MKX: variants seen among roughly 807,000 people sequenced by gnomAD.
MKX encodes the protein mohawk homeobox.
MKX carries 13 observed loss-of-function variants against 36.0 expected under a neutral mutation model. The ratio of observed to expected loss-of-function variants is 0.36; its 90% CI spans 0.24 to 0.57. The LOEUF is 0.57. Ranked by LOEUF, MKX falls within the 20% of genes least tolerant of loss-of-function variation. The pLI, the probability that MKX is intolerant of heterozygous loss-of-function variation, is 0.79. For missense variants in MKX, 458 were observed against 456.4 expected (o/e 1.00, Z -0.03); for synonymous variants, 176 against 178.3 (o/e 0.99, Z 0.10).
At chr10:27,722,136 A>C (rs1834392769) in intron 5 of MKX, among the ~76,000 whole-genome samples, 1 of 152,156 alleles carries the variant, frequency 6.6e-6, no homozygotes, top group Non-Finnish European at 1.5e-5. Context: ...CTTGGGAGAG[A>C]TCTCCTAAAA....
At chr10:27,705,348 G>GT (rs1374443795) in intron 5 of MKX, among the ~76,000 whole-genome samples, 42 of 151,924 alleles carry the variant, frequency 2.8e-4, no homozygotes, top group South Asian at 1.5e-3. Context: ...ATATATATCT[G>GT]TTTTTTTTGT....
At chr10:27,677,736 G>A (rs1836180224) in intron 5 of MKX, among the ~76,000 whole-genome samples, 1 of 152,188 alleles carries the variant, frequency 6.6e-6, no homozygotes, top group African/African-American at 2.4e-5. Flanking sequence ...TTGTTGTGAA[G>A]AACACATGAG....
intron 5 of MKX, among the ~76,000 whole-genome samples, chr10:27,699,870 A>G (rs1836621655): frequency 6.6e-6 from 1 of 152,254 alleles, no homozygotes; most frequent in South Asian, 2.1e-4. Context: ...GTAAGAATTC[A>G]GCATTCTCCA....
chr10:27,719,099 A>G (rs1234715018), intron 5 of MKX, among the ~76,000 whole-genome samples: 2 of 152,236 alleles, frequency 1.3e-5, no homozygotes, highest in Non-Finnish European at 2.9e-5. Context: ...ATCTCATTAA[A>G]TTGCAAAATG....
chr10:27,676,651 C>G (rs1397821432), intron 5 of MKX, among the ~76,000 whole-genome samples: 2 of 152,176 alleles, frequency 1.3e-5, no homozygotes, highest in Non-Finnish European at 2.9e-5. Context: ...GCTGGGATTA[C>G]AGGCGTGAGC....
At chr10:27,723,432 T>C (rs1834422265) in intron 5 of MKX, among the ~76,000 whole-genome samples, 1 of 152,084 alleles carries the variant, frequency 6.6e-6, no homozygotes, top group Non-Finnish European at 1.5e-5. Context: ...TATGGCAAGA[T>C]CAGATGCAAC....
chr10:27,693,850 A>T (rs762403513), intron 5 of MKX, among the ~76,000 whole-genome samples: 15 of 152,030 alleles, frequency 9.9e-5, no homozygotes, highest in Non-Finnish European at 1.8e-4. Flanking sequence ...CCCAAATCTC[A>T]TCTTGAATTG....
intron 5 of MKX, among the ~76,000 whole-genome samples, chr10:27,689,271 A>C (rs758021829): frequency 1.3e-5 from 2 of 152,128 alleles, no homozygotes; most frequent in Non-Finnish European, 2.9e-5. Context: ...CAGTTTTTCT[A>C]CTCACTGTTC....
At chr10:27,719,482 T>C (rs1834327669) in intron 5 of MKX, among the ~76,000 whole-genome samples, 1 of 152,066 alleles carries the variant, frequency 6.6e-6, no homozygotes, top group Admixed American at 6.6e-5. Flanking sequence ...CTGCTACAAA[T>C]GCTCTTTAAA....
intron 5 of MKX, among the ~76,000 whole-genome samples, chr10:27,732,902 C>A (rs1385159374): frequency 2.6e-5 from 4 of 151,796 alleles, no homozygotes; most frequent in African/African-American, 7.3e-5. Context: ...TATGCACCAC[C>A]ATGCATGGGT....
At chr10:27,721,850 G>T (rs1211254975) in intron 5 of MKX, among the ~76,000 whole-genome samples, 1 of 152,094 alleles carries the variant, frequency 6.6e-6, no homozygotes, top group African/African-American at 2.4e-5. Context: ...ATAGAGTCCA[G>T]AAATAGGCAT....
Position 27,742,582 on chromosome 10 carries a change from G to C in MKX, c.188+646C>G, listed in dbSNP as rs73604055. Among the ~76,000 whole-genome samples the C allele has an allele frequency of 6.6e-6, 1 of 151,840 alleles. No individual in the cohort carries two copies. Among genetic ancestry groups the C allele is most frequent in the South Asian group, 2.1e-4 (1 of 4,822 alleles). On this transcript the variant is annotated intron_variant, in intron 2 of 6. Coordinates refer to ENST00000419761, the MANE Select transcript of MKX (RefSeq NM_173576.3). The surrounding 1 kb of genome is among the most constrained non-coding windows in gnomAD (Gnocchi z 4.2). ...AGGCAGAGCCTGCCCTCCACTCACC[G>C]GCAGTCTGAGCAGCTGGCCCACCCG...
At chr10:27,677,172 G>A (rs10829306) in intron 5 of MKX, among the ~76,000 whole-genome samples, 22,914 of 152,084 alleles carry the variant, frequency 0.15, 2,853 homozygotes, top group East Asian at 0.68. Context: ...AATAATCAAT[G>A]TTACTGGGGA....
At chr10:27,720,917 T>C (rs1283085448) in intron 5 of MKX, among the ~76,000 whole-genome samples, 1 of 152,140 alleles carries the variant, frequency 6.6e-6, no homozygotes, top group Non-Finnish European at 1.5e-5. Context: ...ATGCAACAGC[T>C]TTCCCGTATA....
chr10:27,676,434 G>A (rs1163271439), intron 5 of MKX, among the ~76,000 whole-genome samples: 1 of 148,074 alleles, frequency 6.8e-6, no homozygotes, highest in Non-Finnish European at 1.5e-5. Context: ...CTGGAGTGCA[G>A]TGCTGTGATC....
Position 27,691,928 on chromosome 10 carries a change from C to T in MKX, c.839-16374G>A, listed in dbSNP as rs535105400. ...TGTAGTGTTCCATGGTGTATATGTA[C>T]CTCACTTTCTTTATCCAATCCACTC... On this transcript the variant is annotated intron_variant, in intron 5 of 6. Coordinates refer to ENST00000419761, the MANE Select transcript of MKX (RefSeq NM_173576.3). 8.5e-5 allele frequency among the ~76,000 whole-genome samples: 13 copies of T among 152,252 alleles called. 1 individual carries two copies. The South Asian group carries it at 2.7e-3, about 32-fold the overall frequency.
Position 27,734,627 on chromosome 10 carries a change from A to G in MKX, c.667T>C (p.Leu223=), listed in dbSNP as rs775009289. Residue 223 remains leucine, a synonymous_variant, in exon 5 of 7, where the codon TTG becomes CTG. Transcript: ENST00000419761. ...VAPPKYKSSL[L]NRYLNDSLRH... is the part of the protein sequence containing the mutation. ...AAAGAGTCATTAAGGTAACGGTTCA[A>G]CAAGCTGCTCTTGTATTTGGGGGGT... 4.3e-6 allele frequency: 7 copies of G among 1,614,050 alleles called. No individual in the cohort carries two copies. Among genetic ancestry groups the G allele is most frequent in the Non-Finnish European group, 5.9e-6 (7 of 1,180,044 alleles).
rs1489377669 is a variant in MKX, at chr10:27,744,288, C to T, written c.-82-791G>A. On this transcript the variant is annotated intron_variant, in intron 1 of 6. Coordinates refer to ENST00000419761, the MANE Select transcript of MKX (RefSeq NM_173576.3). This position sits in a 1 kb window ranked among gnomAD's most constrained non-coding sequence, Gnocchi z 5.6. ...GCCCTCAATCAGTGCCATTCTCTTC[C>T]GCAGCGCGGGTGTCAGCCGCGAGCT... 6.6e-6 allele frequency among the ~76,000 whole-genome samples: 1 copy of T among 152,118 alleles called. No individual in the cohort carries two copies. Among genetic ancestry groups the T allele is most frequent in the Admixed American group, 6.5e-5 (1 of 15,286 alleles).
chr10:27,712,944 A>C (rs1836898480), intron 5 of MKX, among the ~76,000 whole-genome samples: 1 of 152,178 alleles, frequency 6.6e-6, no homozygotes, highest in African/African-American at 2.4e-5. Context: ...CTCTAAAAAA[A>C]AACAACAATA....
Sources: allele counts gnomAD v4.1 joint callset (sites outside exome capture counted in the v4.1 genomes callset), GRCh38; gene constraint gnomAD v4.1.1; non-coding constraint Gnocchi (gnomAD v3.1); transcripts MANE v1.5; gene names NCBI Gene and HGNC (gene_info 2026-07-23, HGNC 2026-07-21).